SPHKAP: variants seen among roughly 807,000 people sequenced by gnomAD.
The protein encoded by SPHKAP is A-kinase anchor protein SPHKAP.
Under a neutral mutation model 137.5 loss-of-function variants are expected in SPHKAP, and 67 were observed. That is an observed-to-expected ratio of 0.49 (90% confidence interval 0.40 to 0.60). The LOEUF (loss-of-function observed/expected upper bound fraction) is 0.60, where lower values mean the gene tolerates loss of function less well. Among genes scored for constraint, SPHKAP ranks in the 20% least tolerant of loss-of-function variants. SPHKAP has a pLI of 0.00. For missense variants in SPHKAP, 2,097 were observed against 2,069.3 expected (o/e 1.01, Z -0.26); for synonymous variants, 813 against 785.3 (o/e 1.04, Z -0.59).
intron 1 of SPHKAP, among the ~76,000 whole-genome samples, chr2:228,142,762 T>A (rs1040751632): frequency 2.6e-5 from 4 of 152,138 alleles, no homozygotes; most frequent in African/African-American, 9.7e-5. Flanking sequence ...GGGCTTAATA[T>A]CTGAGTGATG....
chr2:228,154,095 A>G (rs1054636686), intron 1 of SPHKAP, among the ~76,000 whole-genome samples: 1 of 152,200 alleles, frequency 6.6e-6, no homozygotes, highest in Non-Finnish European at 1.5e-5. Flanking sequence ...TGCAAAAATG[A>G]AAAATAGAAT....
chr2:228,128,113 C>T (rs1699134502), intron 2 of SPHKAP, among the ~76,000 whole-genome samples: 1 of 152,132 alleles, frequency 6.6e-6, no homozygotes, highest in Admixed American at 6.6e-5. Context: ...AACGTCGCCA[C>T]ATTGATGAAC....
intron 7 of SPHKAP, among the ~76,000 whole-genome samples, chr2:228,015,438 G>A (rs888924810): frequency 2.6e-5 from 4 of 152,068 alleles, no homozygotes; most frequent in Non-Finnish European, 5.9e-5. Context: ...TATATACCCA[G>A]TAATGGGATG....
intron 1 of SPHKAP, among the ~76,000 whole-genome samples, chr2:228,157,174 A>AT (rs1478316362): frequency 6.6e-6 from 1 of 152,216 alleles, no homozygotes; most frequent in Non-Finnish European, 1.5e-5. Flanking sequence ...TAAAGTAAAT[A>AT]TTTTCACATA....
At position 228,005,946 on chromosome 2, in the gene SPHKAP, G is replaced by A. The variant is rs1168609905; in HGVS notation, c.4449-10252C>T. ...ATGGGCTTCCTTTTGTGGGTAACCC[G>A]ACCTTTCTCTTTGGCTGCCCTTAAC... is the stretch of plus-strand genomic sequence containing the variant. On this transcript the variant is annotated intron_variant, in intron 7 of 11. Coordinates refer to ENST00000392056, the MANE Select transcript of SPHKAP (RefSeq NM_001142644.2). Among the ~76,000 whole-genome samples the A allele has an allele frequency of 3.3e-5, 5 of 152,294 alleles. No individual in the cohort carries two copies. The South Asian group carries it at 1.0e-3, about 32-fold the overall frequency.
chr2:228,152,808 C>T (rs1699976094), intron 1 of SPHKAP, among the ~76,000 whole-genome samples: 1 of 151,776 alleles, frequency 6.6e-6, no homozygotes, highest in Non-Finnish European at 1.5e-5. Context: ...TATCCTCCTC[C>T]TGGTAAGTAC....
chr2:228,065,577 C>A lies in SPHKAP; in HGVS notation c.247-38034G>T, dbSNP rs188823566. Among the ~76,000 whole-genome samples, 122 of 152,276 alleles carry A rather than the reference C, an allele frequency of 8.0e-4. 1 individual carries two copies. The highest frequency in any genetic ancestry group is 7.2e-3 in the Admixed American group (110 of 15,288). ...CTAAAAGAAGAAATGGGTTCAAATT[C>A]TATTTTTGACAGTCATTTTCTAGCC... is the stretch of plus-strand genomic sequence containing the variant. On this transcript the variant is annotated intron_variant, in intron 3 of 11. Coordinates refer to ENST00000392056, the MANE Select transcript of SPHKAP (RefSeq NM_001142644.2).
At chr2:228,046,291 C>CTTT (rs58510792) in intron 3 of SPHKAP, among the ~76,000 whole-genome samples, 4,625 of 82,428 alleles carry the variant, frequency 0.056, 437 homozygotes, top group African/African-American at 0.2. Flanking sequence ...TGTTGTTATT[C>CTTT]TTTTTTTTTT....
chr2:228,029,249 T>A lies in SPHKAP; in HGVS notation c.247-1706A>T, dbSNP rs76644508. Among the ~76,000 whole-genome samples the A allele has an allele frequency of 9.1e-3, 1,383 of 152,350 alleles. 21 individuals are homozygous for A. The highest frequency in any genetic ancestry group is 0.03 in the African/African-American group (1,264 of 41,588). Reference sequence around the variant, plus strand: ...ACTGAGAACATTAATTACCTGGAATTTAGTTAGACATTTGAACTTTCAGAT... The same window carrying A: ...ACTGAGAACATTAATTACCTGGAATATAGTTAGACATTTGAACTTTCAGAT... On this transcript the variant is annotated intron_variant, in intron 3 of 11. Transcript: ENST00000392056.
At chr2:228,150,210 G>A (rs1699889542) in intron 1 of SPHKAP, among the ~76,000 whole-genome samples, 1 of 152,118 alleles carries the variant, frequency 6.6e-6, no homozygotes, top group Admixed American at 6.6e-5. Flanking sequence ...ACACGTTGTG[G>A]AACCCAACTT....
At chr2:227,991,251 A>G (rs992900491) in intron 10 of SPHKAP, 23 bp downstream of exon 10, 1 of 1,614,206 alleles carries the variant, frequency 6.2e-7, no homozygotes, top group Non-Finnish European at 8.5e-7. Flanking sequence ...ATTGTGTGTC[A>G]AAAGTATGGG....
chr2:228,017,450 T>G lies in SPHKAP; in HGVS notation c.3404A>C (p.Asn1135Thr). ...TCCTCTCCCTTCATTTTCCATCTGG[T>G]TCACCATGAACCTGGAAAACTCATC... ...ITDEFSRFMV[N>T]QMENEGRGFE... Residue 1135 changes from asparagine (N) to threonine (T), a missense_variant, in exon 7 of 12, where the codon AAC (asparagine) becomes ACC (threonine). Transcript: ENST00000392056. 1 of 1,613,918 alleles carries G rather than the reference T, an allele frequency of 6.2e-7. No individual in the cohort carries two copies. Among genetic ancestry groups the G allele is most frequent in the Non-Finnish European group, 8.5e-7 (1 of 1,180,014 alleles).
chr2:227,986,000 C>T (rs552382737), intron 11 of SPHKAP, among the ~76,000 whole-genome samples: 1 of 152,254 alleles, frequency 6.6e-6, no homozygotes, highest in African/African-American at 2.4e-5. Context: ...GGCACCTTTA[C>T]AAAACCCTGA....
chr2:228,013,261 C>T (rs1365890646), intron 7 of SPHKAP, among the ~76,000 whole-genome samples: 1 of 151,840 alleles, frequency 6.6e-6, no homozygotes, highest in African/African-American at 2.4e-5. Context: ...ATTCCTTTTT[C>T]TTTTTTTTGA....
intron 7 of SPHKAP, among the ~76,000 whole-genome samples, chr2:228,002,082 C>G (rs565410539): frequency 3.3e-5 from 5 of 152,210 alleles, no homozygotes; most frequent in Non-Finnish European, 7.4e-5. Flanking sequence ...TGGGTATATA[C>G]CCAGTAATGG....
chr2:228,016,703 A>C lies in SPHKAP; in HGVS notation c.4151T>G (p.Val1384Gly). ...AGAAGCAGTTTTGCTCAAAGATGAC[A>C]CTGGGGGCTGTTTACATTCGGTAAC... Reference protein sequence around the residue: ...DSVTECKQPPVSSLSKTASLT... With the variant: ...DSVTECKQPPGSSLSKTASLT... Residue 1384 changes from valine (V) to glycine (G), a missense_variant, in exon 7 of 12, where the codon GTG becomes GGG. By Grantham distance (109) the Val-to-Gly change is moderately radical (BLOSUM62 -3). Coordinates refer to ENST00000392056, the MANE Select transcript of SPHKAP (RefSeq NM_001142644.2). 6.2e-7 allele frequency: 1 copy of C among 1,614,106 alleles called. No individual in the cohort carries two copies. Among genetic ancestry groups the C allele is most frequent in the Non-Finnish European group, 8.5e-7 (1 of 1,180,014 alleles).
chr2:228,026,725 C>T (rs572708264), intron 4 of SPHKAP, among the ~76,000 whole-genome samples: 46 of 152,108 alleles, frequency 3.0e-4, no homozygotes, highest in Middle Eastern at 3.4e-3. Context: ...ATTTGGGGCT[C>T]GGTGAAAATT....
chr2:228,106,679 G>A (rs576406825), intron 3 of SPHKAP, among the ~76,000 whole-genome samples: 77 of 152,220 alleles, frequency 5.1e-4, no homozygotes, highest in African/African-American at 1.7e-3. Flanking sequence ...TTTTGCTCAT[G>A]AATTCCTTGT....
chr2:227,994,135 G>C, intron 8 of SPHKAP: 1 of 945,588 alleles, frequency 1.1e-6, no homozygotes, highest in Non-Finnish European at 1.3e-6. Context: ...CATAGGCTGA[G>C]CATCTGGCTT....
Sources: allele counts gnomAD v4.1 joint callset (sites outside exome capture counted in the v4.1 genomes callset), GRCh38; gene constraint gnomAD v4.1.1; transcripts MANE v1.5; gene names NCBI Gene and HGNC (gene_info 2026-07-23, HGNC 2026-07-21).